Variants in RP1 observed in about 807,000 individuals in gnomAD.
The protein encoded by RP1 is oxygen-regulated protein 1.
RP1 carries 16 observed loss-of-function variants against 14.8 expected under a neutral mutation model. That is an observed-to-expected ratio of 1.08 (90% CI 0.73 to 1.65). The LOEUF (loss-of-function observed/expected upper bound fraction) is 1.65, where lower values mean the gene tolerates loss of function less well. RP1 is among the 40% of genes most tolerant of loss of function. The probability of loss-of-function intolerance (pLI) is 0.00; values close to 1 mark genes in which losing one functional copy is unlikely to be tolerated. For missense variants in RP1, 2,631 were observed against 2,535.0 expected, an observed-to-expected ratio of 1.04 and a Z score of -0.81; for synonymous variants, 876 against 883.6, an observed-to-expected ratio of 0.99 and a Z score of 0.15.
chr8:54,573,190 A>G (rs1329995597), intron 1 of RP1, among the ~76,000 whole-genome samples: 2 of 152,198 alleles, frequency 1.3e-5, no homozygotes, highest in East Asian at 3.9e-4. Flanking sequence ...TGGATAAATC[A>G]GTCATCACCT....
At chr8:54,573,016 A>G (rs1804561831) in intron 1 of RP1, among the ~76,000 whole-genome samples, 1 of 152,212 alleles carries the variant, frequency 6.6e-6, no homozygotes, top group Non-Finnish European at 1.5e-5. Context: ...AATCTTACTA[A>G]TAATAGTGTC....
intron 24 of RP1, among the ~76,000 whole-genome samples, chr8:54,799,925 T>A (rs899144424): frequency 1.3e-5 from 2 of 152,114 alleles, no homozygotes; most frequent in African/African-American, 4.8e-5. Flanking sequence ...TTTTATTCCA[T>A]TTACAACATT....
chr8:54,832,546 G>A, intron 24 of RP1, among the ~76,000 whole-genome samples: 1 of 151,424 alleles, frequency 6.6e-6, no homozygotes, highest in Admixed American at 6.6e-5. Flanking sequence ...AGATTATATG[G>A]CATATTTACT....
At chr8:54,559,973 A>G (rs140933405) in intron 1 of RP1, among the ~76,000 whole-genome samples, 105 of 152,344 alleles carry the variant, frequency 6.9e-4, no homozygotes, top group African/African-American at 2.3e-3. Context: ...GGATGATATT[A>G]ATTTTTCATA....
chr8:54,639,950 G>T (rs1418360597), intron 3 of RP1, among the ~76,000 whole-genome samples: 1 of 151,954 alleles, frequency 6.6e-6, no homozygotes, highest in Non-Finnish European at 1.5e-5. Context: ...TTAAATTTTG[G>T]TAAGCCCAGT....
intron 25 of RP1, among the ~76,000 whole-genome samples, chr8:54,851,197 A>G (rs1812054115): frequency 6.6e-6 from 1 of 152,190 alleles, no homozygotes; most frequent in African/African-American, 2.4e-5. Flanking sequence ...AGGAAGCTGC[A>G]TGATTTCATT....
intron 26 of RP1, among the ~76,000 whole-genome samples, chr8:54,855,698 T>C (rs1298349095): frequency 4.6e-5 from 7 of 152,118 alleles, no homozygotes; most frequent in African/African-American, 1.4e-4. Context: ...GAATGTGTGC[T>C]CTACAAAAGA....
chr8:54,732,631 C>A (rs1244817998), intron 17 of RP1, among the ~76,000 whole-genome samples: 1 of 152,102 alleles, frequency 6.6e-6, no homozygotes, highest in African/African-American at 2.4e-5. Context: ...CTAGGATCAC[C>A]AGTTTCTCTC....
At chr8:54,682,623 C>A (rs1407791937) in intron 12 of RP1, among the ~76,000 whole-genome samples, 1 of 151,758 alleles carries the variant, frequency 6.6e-6, no homozygotes, top group Non-Finnish European at 1.5e-5. Flanking sequence ...ATTTACATTT[C>A]TTTAATTTAC....
At chr8:54,749,672 T>G (rs1293125507) in intron 19 of RP1, among the ~76,000 whole-genome samples, 1 of 152,082 alleles carries the variant, frequency 6.6e-6, no homozygotes, top group Non-Finnish European at 1.5e-5. Flanking sequence ...TGGCCTCCTT[T>G]TTCTTAAAAT....
At chr8:54,570,936 C>G (rs916178564) in intron 1 of RP1, among the ~76,000 whole-genome samples, 1 of 152,128 alleles carries the variant, frequency 6.6e-6, no homozygotes, top group Non-Finnish European at 1.5e-5. Flanking sequence ...GCACTGCTGC[C>G]GCAGCTGTAA....
At chr8:54,757,240 T>A (rs1371588117) in intron 21 of RP1, among the ~76,000 whole-genome samples, 1 of 152,236 alleles carries the variant, frequency 6.6e-6, no homozygotes, top group African/African-American at 2.4e-5. Flanking sequence ...GGGCTAGTTG[T>A]CATTTTCTCT....
downstream of RP1, among the ~76,000 whole-genome samples, chr8:54,774,517 GT>G (rs1485752719): frequency 1.3e-5 from 2 of 152,214 alleles, no homozygotes; most frequent in African/African-American, 4.8e-5. Context: ...GTGACTTACT[GT>G]TTGGTGCCTA....
intron 1 of RP1, among the ~76,000 whole-genome samples, chr8:54,617,639 C>G (rs1292650890): frequency 6.6e-6 from 1 of 152,190 alleles, no homozygotes; most frequent in Non-Finnish European, 1.5e-5. Flanking sequence ...TACACAGACT[C>G]TCCTCTGGAA....
chr8:54,856,659 G>A (rs1467777258), intron 26 of RP1, among the ~76,000 whole-genome samples: 1 of 152,086 alleles, frequency 6.6e-6, no homozygotes, highest in Non-Finnish European at 1.5e-5. Context: ...CTGACCTTAT[G>A]GGCTGTTGTG....
intron 28 of RP1, chr8:54,869,751 A>C (rs957542005): frequency 2.1e-5 from 10 of 468,104 alleles, no homozygotes; most frequent in South Asian, 1.1e-4. Context: ...GCCTCTTTAA[A>C]TTCTTTCCAT....
At position 54,630,672 on chromosome 8, in the gene RP1, T is replaced by G. The variant is rs944268824; in HGVS notation, c.*319T>G. The G allele has an allele frequency of 3.6e-6, 4 of 1,120,150 alleles. No individual in the cohort carries two copies. Among genetic ancestry groups the G allele is most frequent in the Non-Finnish European group, 4.4e-6 (4 of 914,470 alleles). 69.4% of individuals were successfully genotyped at this position (1,120,150 alleles called of 1,614,324 possible). A position where few individuals can be genotyped will look rare whatever the true frequency, so the allele number is the denominator to read the frequency against. On this transcript the variant is annotated 3_prime_UTR_variant, in exon 4 of 4. Coordinates refer to ENST00000220676, the MANE Select transcript of RP1 (RefSeq NM_006269.2). Reference sequence around the variant, plus strand: ...AAATGTGCTAAGGACAAGAATTATATCCTTTTTAAAAAATGTTGTTAGCTT... The same window carrying G: ...AAATGTGCTAAGGACAAGAATTATAGCCTTTTTAAAAAATGTTGTTAGCTT...
intron 24 of RP1, among the ~76,000 whole-genome samples, chr8:54,784,937 A>G (rs1054128477): frequency 1.2e-4 from 18 of 151,894 alleles, no homozygotes; most frequent in African/African-American, 3.4e-4. Context: ...TTTTTGTTTT[A>G]AAGTTTTCTT....
At chr8:54,574,026 G>A (rs1244279854) in intron 1 of RP1, among the ~76,000 whole-genome samples, 4 of 152,154 alleles carry the variant, frequency 2.6e-5, no homozygotes, top group East Asian at 1.9e-4. Context: ...TTCCAGGTGC[G>A]AGAATAAGAC....
Sources: allele counts gnomAD v4.1 joint callset (sites outside exome capture counted in the v4.1 genomes callset), GRCh38; gene constraint gnomAD v4.1.1; transcripts MANE v1.5; gene names NCBI Gene and HGNC (gene_info 2026-07-23, HGNC 2026-07-21).